The following NCAM2 variants were observed in gnomAD, a reference collection of about 807,000 sequenced individuals.
NCAM2 encodes neural cell adhesion molecule 2.
Under a neutral mutation model 98.1 loss-of-function variants are expected in NCAM2, and 30 were observed. The ratio of observed to expected loss-of-function variants is 0.31; its 90% confidence interval spans 0.23 to 0.41. The LOEUF is 0.41. Among genes scored for constraint, NCAM2 ranks in the 10% least tolerant of loss-of-function variants. The pLI, the probability that NCAM2 is intolerant of heterozygous loss-of-function variation, is 1.00. For missense variants in NCAM2, 867 were observed against 1,005.8 expected (o/e 0.86, Z 1.87); for synonymous variants, 368 against 342.4 (o/e 1.07, Z -0.83).
rs1288429370 is a variant in NCAM2, at chr21:21,275,262, A to T, written c.56-5316A>T. On this transcript the variant is annotated intron_variant, in intron 1 of 17. Transcript: ENST00000400546. ...GAGACCATCCTGGCTAACACGGTGA[A>T]ACCCCATCTCTACTAAAAATACAAA... 2.0e-5 allele frequency among the ~76,000 whole-genome samples: 3 copies of T among 151,688 alleles called. No homozygotes were observed. The East Asian group carries it at 5.8e-4, about 30-fold the overall frequency.
chr21:21,075,761 A>G (rs1468522947), intron 1 of NCAM2, among the ~76,000 whole-genome samples: 4 of 152,214 alleles, frequency 2.6e-5, no homozygotes, highest in Non-Finnish European at 5.9e-5. Context: ...CGAAATAAAC[A>G]TATAGTTTTT....
chr21:21,098,416 T>A (rs2146477308), intron 1 of NCAM2, among the ~76,000 whole-genome samples: 1 of 151,946 alleles, frequency 6.6e-6, no homozygotes, highest in Admixed American at 6.6e-5. Context: ...TTTGTGTGAA[T>A]CTTCAGAGAA....
intron 6 of NCAM2, among the ~76,000 whole-genome samples, chr21:21,328,986 A>C: frequency 7.0e-6 from 1 of 143,286 alleles, no homozygotes; most frequent in Non-Finnish European, 1.5e-5. Flanking sequence ...ATGGAGTCTC[A>C]CTCTGTCACC....
Position 21,022,813 on chromosome 21 carries a change from G to A in NCAM2, c.55+24195G>A, listed in dbSNP as rs2064464567. Among the ~76,000 whole-genome samples, 3 of 152,052 alleles carry A rather than the reference G, an allele frequency of 2.0e-5. No individual in the cohort carries two copies. In the South Asian group the frequency reaches 6.2e-4, roughly 31 times the overall value. Reference sequence around the variant, plus strand: ...TTGTGGGAAATTTAGTTTTAACCGGGAAAAGGTGAGGATGTCAAGAAGTGA... The same window carrying A: ...TTGTGGGAAATTTAGTTTTAACCGGAAAAAGGTGAGGATGTCAAGAAGTGA... On this transcript the variant is annotated intron_variant, in intron 1 of 17. Transcript: ENST00000400546.
chr21:21,068,495 T>G (rs1023486173), intron 1 of NCAM2, among the ~76,000 whole-genome samples: 1 of 148,846 alleles, frequency 6.7e-6, no homozygotes, highest in African/African-American at 2.5e-5. Flanking sequence ...AATCTAGCTG[T>G]GTAGCCCAGG....
At chr21:21,355,638 C>T (rs931058669) in intron 8 of NCAM2, among the ~76,000 whole-genome samples, 7 of 151,168 alleles carry the variant, frequency 4.6e-5, no homozygotes, top group East Asian at 3.9e-4. Context: ...TTATTTAAGG[C>T]GGAGTCTCGC....
intron 12 of NCAM2, among the ~76,000 whole-genome samples, chr21:21,437,472 T>TTGTGTGTG (rs1978539405): frequency 1.9e-5 from 1 of 53,698 alleles, no homozygotes; most frequent in Middle Eastern, 7.5e-3. Context: ...CCCACCAAGA[T>TTGTGTGTG]TCTGTGTGTG....
chr21:21,357,997 G>T (rs2075540861), intron 8 of NCAM2, among the ~76,000 whole-genome samples: 1 of 152,118 alleles, frequency 6.6e-6, no homozygotes, highest in African/African-American at 2.4e-5. Flanking sequence ...CAACAGGGTT[G>T]TAATTACGAA....
chr21:21,433,906 G>A (rs1199504137), intron 12 of NCAM2, among the ~76,000 whole-genome samples: 2 of 151,042 alleles, frequency 1.3e-5, no homozygotes, highest in East Asian at 4.0e-4. Flanking sequence ...CAAGCACACA[G>A]AAAATTAATA....
chr21:21,331,529 A>C (rs1442241177), intron 6 of NCAM2, among the ~76,000 whole-genome samples: 1 of 24,272 alleles, frequency 4.1e-5, no homozygotes, highest in African/African-American at 1.4e-4. Flanking sequence ...ATATATATAT[A>C]TATATACTCT....
intron 1 of NCAM2, among the ~76,000 whole-genome samples, chr21:21,131,279 T>TGGG (rs568391931): frequency 0.043 from 6,263 of 144,170 alleles, 350 homozygotes; most frequent in African/African-American, 0.13. Flanking sequence ...TTAATTTTTC[T>TGGG]GGGGGGGGGC....
chr21:21,186,509 A>C (rs1034139650), intron 1 of NCAM2, among the ~76,000 whole-genome samples: 4 of 152,194 alleles, frequency 2.6e-5, no homozygotes, highest in African/African-American at 9.6e-5. Context: ...AATGGATAAG[A>C]AACAGTTTAG....
chr21:21,126,997 G>C (rs944673072), intron 1 of NCAM2, among the ~76,000 whole-genome samples: 1 of 151,830 alleles, frequency 6.6e-6, no homozygotes, highest in East Asian at 1.9e-4. Context: ...TCCCTCATAA[G>C]AACTTTCAGA....
intron 1 of NCAM2, among the ~76,000 whole-genome samples, chr21:21,048,649 C>T (rs2065045311): frequency 6.6e-6 from 1 of 152,064 alleles, no homozygotes; most frequent in Non-Finnish European, 1.5e-5. Context: ...TACCACCTGG[C>T]CTGATGTATT....
intron 16 of NCAM2, among the ~76,000 whole-genome samples, chr21:21,511,881 T>C (rs1000347985): frequency 5.3e-5 from 8 of 152,036 alleles, no homozygotes; most frequent in African/African-American, 1.4e-4. Flanking sequence ...TGCTGTCTAC[T>C]TGTATGTTGT....
chr21:21,222,082 A>G (rs987671198), intron 1 of NCAM2, among the ~76,000 whole-genome samples: 3 of 152,194 alleles, frequency 2.0e-5, no homozygotes, highest in Admixed American at 2.0e-4. Context: ...AGCCTGGATG[A>G]CAGCACATAG....
At chr21:21,022,568 G>A (rs1216509262) in intron 1 of NCAM2, among the ~76,000 whole-genome samples, 1 of 151,994 alleles carries the variant, frequency 6.6e-6, no homozygotes. Context: ...TGTTATACTA[G>A]TTATACTTAC....
At chr21:21,239,107 T>C (rs755595851) in intron 1 of NCAM2, among the ~76,000 whole-genome samples, 37 of 152,346 alleles carry the variant, frequency 2.4e-4, no homozygotes, top group South Asian at 8.3e-4. Flanking sequence ...ATCTCCTTTA[T>C]CTTTGCCTCT....
intron 1 of NCAM2, among the ~76,000 whole-genome samples, chr21:21,128,463 A>G (rs1323155189): frequency 6.6e-6 from 1 of 152,184 alleles, no homozygotes; most frequent in Non-Finnish European, 1.5e-5. Flanking sequence ...TTTTGCTTGT[A>G]CTGAAAAGAT....
Sources: allele counts gnomAD v4.1 joint callset (sites outside exome capture counted in the v4.1 genomes callset), GRCh38; gene constraint gnomAD v4.1.1; transcripts MANE v1.5; gene names NCBI Gene and HGNC (gene_info 2026-07-23, HGNC 2026-07-21).